The following PDE1A variants were observed in gnomAD, a reference collection of about 807,000 sequenced individuals.
PDE1A encodes the protein dual specificity calcium/calmodulin-dependent 3',5'-cyclic nucleotide phosphodiesterase 1A.
Under a neutral mutation model 61.7 loss-of-function variants are expected in PDE1A, and 35 were observed. The ratio of observed to expected loss-of-function variants is 0.57; its 90% CI spans 0.43 to 0.75. The LOEUF is 0.75. PDE1A is among the 30% of genes least tolerant of loss of function. The probability of loss-of-function intolerance (pLI) is 0.00; values close to 1 mark genes in which losing one functional copy is unlikely to be tolerated. For synonymous variants in PDE1A, 232 were observed against 213.2 expected, an observed-to-expected ratio of 1.09 and a Z score of -0.77; for missense variants, 597 against 630.6, an observed-to-expected ratio of 0.95 and a Z score of 0.57.
chr2:182,592,924 G>T, the PDE1A span, among the ~76,000 whole-genome samples: 1 of 152,110 alleles, frequency 6.6e-6, no homozygotes, highest in Non-Finnish European at 1.5e-5. Flanking sequence ...ATAAAACGAC[G>T]AGGTGACCCA....
At chr2:182,228,047 A>G (rs947331683) in intron 6 of PDE1A, among the ~76,000 whole-genome samples, 2 of 152,134 alleles carry the variant, frequency 1.3e-5, no homozygotes, top group South Asian at 4.1e-4. Flanking sequence ...GCCCTTGTAT[A>G]ATTCCATGTT....
intron 1 of PDE1A, among the ~76,000 whole-genome samples, chr2:182,382,392 A>G (rs180875011): frequency 9.1e-4 from 139 of 152,354 alleles, no homozygotes; most frequent in African/African-American, 2.5e-3. Context: ...CTGACTAACA[A>G]CCAGCAAGTA....
chr2:182,426,164 C>A (rs545639977), intron 1 of PDE1A, among the ~76,000 whole-genome samples: 1 of 152,290 alleles, frequency 6.6e-6, no homozygotes, highest in South Asian at 2.1e-4. Flanking sequence ...TCAAATTTAT[C>A]TCCCGACACT....
intron 13 of PDE1A, among the ~76,000 whole-genome samples, chr2:182,175,170 G>A (rs1470935287): frequency 6.6e-6 from 1 of 152,152 alleles, no homozygotes; most frequent in East Asian, 1.9e-4. Flanking sequence ...TTGGTTCCAA[G>A]TCTTTGCTAT....
chr2:182,513,020 A>G lies in PDE1A; in HGVS notation c.101+9256T>C, dbSNP rs1378168321. Reference sequence around the variant, plus strand: ...GGAGAGAGAGCAAGCAACTTGGAAAACATATTTGAGAATATTGCTCACAAA... The same window carrying G: ...GGAGAGAGAGCAAGCAACTTGGAAAGCATATTTGAGAATATTGCTCACAAA... On this transcript the variant is annotated intron_variant, in intron 2 of 14. Coordinates refer to the PDE1A transcript ENST00000410103. Among the ~76,000 whole-genome samples, 4 of 152,324 alleles carry G rather than the reference A, an allele frequency of 2.6e-5. No individual in the cohort carries two copies. In the East Asian group the frequency reaches 7.7e-4, roughly 29 times the overall value.
At chr2:182,469,548 C>G (rs980864122) in intron 2 of PDE1A, among the ~76,000 whole-genome samples, 1 of 151,936 alleles carries the variant, frequency 6.6e-6, no homozygotes, top group Non-Finnish European at 1.5e-5. Context: ...TTCTCCATAT[C>G]AGCAATAAGT....
chr2:182,656,323 A>T, the PDE1A span, among the ~76,000 whole-genome samples: 1 of 152,240 alleles, frequency 6.6e-6, no homozygotes, highest in Non-Finnish European at 1.5e-5. Flanking sequence ...ATTCATTACA[A>T]TCAAAACCTC....
At chr2:182,689,247 A>T in the PDE1A span, among the ~76,000 whole-genome samples, 1 of 152,194 alleles carries the variant, frequency 6.6e-6, no homozygotes, top group Non-Finnish European at 1.5e-5. Flanking sequence ...ACCACACCGC[A>T]CTTATTCCAA....
At chr2:182,582,842 G>A in the PDE1A span, among the ~76,000 whole-genome samples, 1 of 152,300 alleles carries the variant, frequency 6.6e-6, no homozygotes, top group East Asian at 1.9e-4. Flanking sequence ...TGTTAAGTCA[G>A]ATCATTTTTG....
At chr2:182,174,492 A>G (rs999614561) in intron 13 of PDE1A, among the ~76,000 whole-genome samples, 1 of 152,094 alleles carries the variant, frequency 6.6e-6, no homozygotes, top group Non-Finnish European at 1.5e-5. Flanking sequence ...CTGAGAGTCA[A>G]TCAGGGGAGG....
chr2:182,647,998 G>A, the PDE1A span, among the ~76,000 whole-genome samples: 1 of 152,098 alleles, frequency 6.6e-6, no homozygotes, highest in Non-Finnish European at 1.5e-5. Flanking sequence ...CTTTCCTCTA[G>A]AAAGCTGATT....
At chr2:182,149,132 G>A (rs538146008) in intron 13 of PDE1A, among the ~76,000 whole-genome samples, 1 of 152,022 alleles carries the variant, frequency 6.6e-6, no homozygotes, top group African/African-American at 2.4e-5. Context: ...GTCTAGAATA[G>A]AACAGAACAT....
intron 10 of PDE1A, among the ~76,000 whole-genome samples, chr2:182,197,525 T>G (rs536648534): frequency 6.6e-6 from 1 of 151,792 alleles, no homozygotes; most frequent in Admixed American, 6.6e-5. Flanking sequence ...AAGATCTTTA[T>G]AGTTTTAGGT....
chr2:182,325,943 A>G (rs1451918136), intron 1 of PDE1A, among the ~76,000 whole-genome samples: 1 of 152,140 alleles, frequency 6.6e-6, no homozygotes, highest in Non-Finnish European at 1.5e-5. Flanking sequence ...ACAACGACAA[A>G]AACAAACAAA....
At chr2:182,568,307 A>G in the PDE1A span, among the ~76,000 whole-genome samples, 1 of 152,220 alleles carries the variant, frequency 6.6e-6, no homozygotes, top group Non-Finnish European at 1.5e-5. Context: ...TGATTTCCTT[A>G]GCTGTTATTA....
At chr2:182,400,328 A>G (rs1299906524) in intron 1 of PDE1A, among the ~76,000 whole-genome samples, 1 of 152,216 alleles carries the variant, frequency 6.6e-6, no homozygotes, top group African/African-American at 2.4e-5. Flanking sequence ...ACATGGTGGC[A>G]AGACACTTTC....
At chr2:182,244,736 G>A (rs983241980) in intron 2 of PDE1A, among the ~76,000 whole-genome samples, 2 of 152,060 alleles carry the variant, frequency 1.3e-5, no homozygotes, top group African/African-American at 4.8e-5. Context: ...TGGATTCCAT[G>A]TTGGTTTCTT....
At chr2:182,338,850 C>G (rs1334894412) in intron 1 of PDE1A, among the ~76,000 whole-genome samples, 1 of 152,088 alleles carries the variant, frequency 6.6e-6, no homozygotes, top group Non-Finnish European at 1.5e-5. Flanking sequence ...AAGGCAAGGG[C>G]TTGAGATGAC....
the PDE1A span, among the ~76,000 whole-genome samples, chr2:182,533,402 T>C: frequency 6.6e-6 from 1 of 152,206 alleles, no homozygotes; most frequent in African/African-American, 2.4e-5. Context: ...TTTTACATAA[T>C]CACAATATTA....
Sources: gnomAD v4.1 joint callset for allele counts (sites outside exome capture counted in the v4.1 genomes callset) on GRCh38, gnomAD v4.1.1 for gene constraint, MANE v1.5 for transcripts, NCBI Gene and HGNC (gene_info 2026-07-23, HGNC 2026-07-21) for gene names.